The following SYNE1 variants were observed in gnomAD, a reference collection of about 807,000 sequenced individuals.
SYNE1 encodes nesprin-1.
SYNE1 carries 616 observed loss-of-function variants against 1,111.0 expected under a neutral mutation model. That is an observed-to-expected ratio of 0.55 (90% CI 0.52 to 0.59). The LOEUF (loss-of-function observed/expected upper bound fraction) is 0.59, where lower values mean the gene tolerates loss of function less well. Ranked by LOEUF, SYNE1 falls within the 20% of genes least tolerant of loss-of-function variation. SYNE1 has a pLI of 0.00. For synonymous variants in SYNE1, 3,855 were observed against 3,825.8 expected (o/e 1.01, Z -0.28); for missense variants, 10,006 against 10,417.0 (o/e 0.96, Z 1.72).
chr6:152,323,348 A>G (rs1590056983), intron 82 of SYNE1, 130 bp downstream of exon 82: 1 of 1,373,006 alleles, frequency 7.3e-7, no homozygotes, highest in Non-Finnish European at 9.9e-7. Flanking sequence ...CTGAGGCAGG[A>G]GAATGGCGTG....
In SYNE1 at chr6:152,391,511, A is replaced by G. The variant is rs1345857230; in HGVS notation, c.7770T>C (p.Gly2590=). The change falls in exon 52 of 146, where the codon GGT becomes GGC. Residue 2590 remains glycine (G), a synonymous_variant. Coordinates refer to ENST00000367255, the MANE Select transcript of SYNE1 (RefSeq NM_182961.4). ...RGQLLSEEGH[G]AGQEGRLCSQ... ...AACACAGGCGGCCCTCCTGCCCAGCACCGTGGCCTTCTTCACTCAGAAGCT... is the reference window on the plus strand; with the variant it reads ...AACACAGGCGGCCCTCCTGCCCAGCGCCGTGGCCTTCTTCACTCAGAAGCT... 6.2e-7 allele frequency: 1 copy of G among 1,605,282 alleles called. No homozygotes were observed. Among genetic ancestry groups the G allele is most frequent in the Non-Finnish European group, 8.5e-7 (1 of 1,177,686 alleles).
At chr6:152,206,634 C>A (rs1328237638) in intron 125 of SYNE1, among the ~76,000 whole-genome samples, 1 of 152,114 alleles carries the variant, frequency 6.6e-6, no homozygotes, top group Non-Finnish European at 1.5e-5. Context: ...TCTGACCCAG[C>A]AGGGGGCGCA....
chr6:152,601,596 T>C (rs908846965), intron 3 of SYNE1, among the ~76,000 whole-genome samples: 2 of 152,126 alleles, frequency 1.3e-5, no homozygotes, highest in Admixed American at 6.6e-5. Context: ...TGAACAGGTA[T>C]GGGTAAAAAT....
At chr6:152,145,702 C>T in intron 137 of SYNE1, 2 of 718,334 alleles carry the variant, frequency 2.8e-6, no homozygotes, top group Admixed American at 4.1e-5. Flanking sequence ...CGTGCAGGCT[C>T]ACCAAAGCTT....
At chr6:152,172,425 G>A (rs1357752344) in intron 130 of SYNE1, among the ~76,000 whole-genome samples, 1 of 152,124 alleles carries the variant, frequency 6.6e-6, no homozygotes, top group Non-Finnish European at 1.5e-5. Context: ...TGGTGATGGG[G>A]ATTTAGGTTT....
At chr6:152,208,300 CCTG>C in intron 124 of SYNE1, 94 bp from the exon 125 acceptor site, 1 of 1,136,930 alleles carries the variant, frequency 8.8e-7, no homozygotes, top group Non-Finnish European at 1.3e-6. Context: ...AACCCTAAGC[CCTG>C]AGAAGTGATC....
rs76121799 is a variant in SYNE1, at chr6:152,513,720, A to C, written c.310-2617T>G. On this transcript the variant is annotated intron_variant, in intron 6 of 145. Coordinates refer to ENST00000367255, the MANE Select transcript of SYNE1 (RefSeq NM_182961.4). ...CTACAGAATGGGAGAAAATTTTTGC[A>C]ATCTATCCATCTGACAGAGGGCTAA... is the stretch of plus-strand genomic sequence containing the variant. Among the ~76,000 whole-genome samples the C allele has an allele frequency of 1.3e-3, 204 of 152,286 alleles. 1 individual carries two copies. The highest frequency in any genetic ancestry group is 8.9e-3 in the East Asian group (46 of 5,186).
chr6:152,506,675 G>A (rs1421198609), intron 8 of SYNE1, among the ~76,000 whole-genome samples: 1 of 151,834 alleles, frequency 6.6e-6, no homozygotes, highest in Non-Finnish European at 1.5e-5. Flanking sequence ...CCAAGTAGCT[G>A]GGATTTCAGG....
At chr6:152,603,933 GTAT>G (rs1583257023) in intron 3 of SYNE1, among the ~76,000 whole-genome samples, 197 of 102,998 alleles carry the variant, frequency 1.9e-3, no homozygotes, top group African/African-American at 5.4e-3. Flanking sequence ...ATATGTATAT[GTAT>G]ATAGATATAC....
chr6:152,155,769 A>G lies in SYNE1; in HGVS notation c.23978+141T>C, dbSNP rs2152950636. 7.2e-6 allele frequency: 7 copies of G among 966,044 alleles called. No individual in the cohort carries two copies. The East Asian group carries it at 1.6e-4, about 22-fold the overall frequency. 59.8% of individuals were successfully genotyped at this position (966,044 alleles called of 1,614,324 possible). ...CCTACTTATTTTCCCAACTAAATGTAGACAATAGTAAGTTTGGGAAGCCAC... is the reference window on the plus strand; with the variant it reads ...CCTACTTATTTTCCCAACTAAATGTGGACAATAGTAAGTTTGGGAAGCCAC... On this transcript the variant is annotated intron_variant, in intron 132 of 145. Coordinates refer to ENST00000367255, the MANE Select transcript of SYNE1 (RefSeq NM_182961.4).
chr6:152,287,845 C>T (rs1346841620), intron 95 of SYNE1, among the ~76,000 whole-genome samples: 1 of 152,216 alleles, frequency 6.6e-6, no homozygotes, highest in African/African-American at 2.4e-5. Flanking sequence ...CCGCACCCAG[C>T]CTGCAGTATA....
chr6:152,430,627 G>T lies in SYNE1; in HGVS notation c.4544C>A (p.Thr1515Asn). ...TTTAATTCGAGCAGATTCTCCAGTG[G>T]TAACAAACTGAGCAAAAGACTGGGC... is the stretch of plus-strand genomic sequence containing the variant. ...EEAQSFAQFV[T>N]TGESARIKAK... The change falls in exon 35 of 146, where the codon ACC (threonine) becomes AAC (asparagine). Residue 1515 changes from threonine to asparagine, a missense_variant. Around this residue, in one of 7 missense-constraint regions of SYNE1, gnomAD observed 1,971 missense variants for 2,084.1 expected, o/e 0.95. Coordinates refer to ENST00000367255, the MANE Select transcript of SYNE1 (RefSeq NM_182961.4). 1 of 1,614,122 alleles carries T rather than the reference G, an allele frequency of 6.2e-7. No homozygotes were observed. The highest frequency in any genetic ancestry group is 1.7e-5 in the Admixed American group (1 of 60,020).
intron 38 of SYNE1, among the ~76,000 whole-genome samples, chr6:152,427,184 T>G (rs534134955): frequency 5.4e-4 from 82 of 152,368 alleles, no homozygotes; most frequent in Non-Finnish European, 9.4e-4. Flanking sequence ...TTTCTACCTA[T>G]TACCTACATT....
intron 12 of SYNE1, among the ~76,000 whole-genome samples, 195 bp downstream of exon 12, chr6:152,488,201 T>C (rs1037863578): frequency 9.2e-5 from 14 of 152,294 alleles, no homozygotes; most frequent in African/African-American, 3.1e-4. Context: ...GTGGACACAA[T>C]GCAACTTAAG....
At chr6:152,496,971 C>G (rs946386327) in intron 11 of SYNE1, among the ~76,000 whole-genome samples, 1 of 152,046 alleles carries the variant, frequency 6.6e-6, no homozygotes, top group African/African-American at 2.4e-5. Context: ...CTTGTAACAC[C>G]TGCCCCTGTC....
chr6:152,407,108 T>A lies in SYNE1; in HGVS notation c.6629A>T (p.Glu2210Val). 6.2e-7 allele frequency: 1 copy of A among 1,614,044 alleles called. No homozygotes were observed. The highest frequency in any genetic ancestry group is 1.1e-5 in the South Asian group (1 of 91,078). The change falls in exon 45 of 146, where the codon GAG becomes GTG. Residue 2210 changes from glutamate (E) to valine (V), a missense_variant. Physicochemically the swap from Glu to Val is moderately radical, Grantham distance 121. Coordinates refer to ENST00000367255, the MANE Select transcript of SYNE1 (RefSeq NM_182961.4). The part of the protein sequence containing the change: ...DDVLSTRDEI[E>V]GWSNNCVPQM... The stretch of plus-strand genomic sequence containing the variant: ...TGGAACGCAGTTGTTTGACCATCCC[T>A]CAATCTCATCTCTAGTTGACAGTAC...
chr6:152,537,389 T>C (rs2099248517), intron 4 of SYNE1, among the ~76,000 whole-genome samples: 1 of 152,022 alleles, frequency 6.6e-6, no homozygotes, highest in Non-Finnish European at 1.5e-5. Context: ...AGAAAATCCT[T>C]AGGTTTTTTT....
intron 72 of SYNE1, among the ~76,000 whole-genome samples, chr6:152,347,932 TGCTGGCCTCG>T (rs1269856185): frequency 2.0e-5 from 3 of 151,756 alleles, no homozygotes; most frequent in Non-Finnish European, 4.4e-5. Flanking sequence ...TCAAGTGATC[TGCTGGCCTCG>T]GCCTCCCAAA....
Position 152,255,658 on chromosome 6 carries a change from T to G in SYNE1, c.19193A>C (p.Glu6398Ala). 6.2e-7 allele frequency: 1 copy of G among 1,614,226 alleles called. No individual in the cohort carries two copies. ...SATSTWLDDV[E>A]ERLFVATALL... ...TGCTGTGGCAACAAATAAACGTTCT[T>G]CAACGTCATCCAACCAAGTAGAGGT... is the stretch of plus-strand genomic sequence containing the variant. The change falls in exon 103 of 146, where the codon GAA (glutamate) becomes GCA (alanine). Residue 6398 changes from glutamate (E) to alanine (A), a missense_variant. This residue lies in a region of SYNE1 where 2,182 missense variants were observed against 2,287.8 expected (regional missense o/e 0.95). Coordinates refer to ENST00000367255, the MANE Select transcript of SYNE1 (RefSeq NM_182961.4).
Sources: allele counts gnomAD v4.1 joint callset (sites outside exome capture counted in the v4.1 genomes callset), GRCh38; gene constraint gnomAD v4.1.1; regional missense constraint gnomAD v4.1.1; transcripts MANE v1.5; gene names NCBI Gene and HGNC (gene_info 2026-07-23, HGNC 2026-07-21).